NADSYN1: variants seen among roughly 807,000 people sequenced by gnomAD.
NADSYN1 encodes NAD synthetase 1.
Under a neutral mutation model 99.3 loss-of-function variants are expected in NADSYN1, and 80 were observed. That is an observed-to-expected ratio of 0.81 (90% confidence interval 0.67 to 0.97). NADSYN1 has a LOEUF of 0.97. Ranked by LOEUF, NADSYN1 falls within the 50% of genes least tolerant of loss-of-function variation. The pLI is 0.00. For synonymous variants in NADSYN1, 385 were observed against 372.1 expected (o/e 1.03, Z -0.40); for missense variants, 859 against 948.5 (o/e 0.91, Z 1.24).
chr11:71,483,394 G>A (rs900888482), intron 14 of NADSYN1, among the ~76,000 whole-genome samples: 1 of 152,124 alleles, frequency 6.6e-6, no homozygotes, highest in African/African-American at 2.4e-5. Flanking sequence ...GGCATTCCCA[G>A]TGCAGGCTGC....
chr11:71,466,538 G>T (rs1209606029), intron 5 of NADSYN1, among the ~76,000 whole-genome samples: 1 of 152,226 alleles, frequency 6.6e-6, no homozygotes. Context: ...TGGGTGGATG[G>T]CTTTGCTTCT....
intron 5 of NADSYN1, among the ~76,000 whole-genome samples, chr11:71,467,945 CAG>C (rs1183332222): frequency 2.6e-5 from 4 of 152,212 alleles, no homozygotes; most frequent in Non-Finnish European, 5.9e-5. Context: ...ACTAAAGACA[CAG>C]AGAAATTCTC....
rs1949564953 is a variant in NADSYN1 at position 71,463,518 on chromosome 11, C to T, written c.317+33C>T. Reference sequence around the variant, plus strand: ...CCCTGCCCCCACCCCGGGAGGGTGACTGGGGCCTCTCCCTGGCTCTCAGCT... The same window carrying T: ...CCCTGCCCCCACCCCGGGAGGGTGATTGGGGCCTCTCCCTGGCTCTCAGCT... On this transcript the variant is annotated intron_variant, in intron 4 of 20. Transcript: ENST00000319023. The T allele has an allele frequency of 1.9e-6, 3 of 1,596,298 alleles. No homozygotes were observed. In the East Asian group the frequency reaches 6.7e-5, roughly 36 times the overall value.
chr11:71,498,124 A>AGGCGGGGGACCCC (rs1949832345), intron 19 of NADSYN1, among the ~76,000 whole-genome samples: 3 of 151,762 alleles, frequency 2.0e-5, no homozygotes, highest in Non-Finnish European at 2.9e-5. Context: ...ATAGCATCAG[A>AGGCGGGGGACCCC]GGTGGGGGAC....
At chr11:71,474,294 T>G in intron 8 of NADSYN1, 101 bp from the exon 9 acceptor site, 1 of 1,489,098 alleles carries the variant, frequency 6.7e-7, no homozygotes, top group Non-Finnish European at 9.2e-7. Flanking sequence ...CCACTCAGGA[T>G]GACCTAGCGG....
rs762111240 is a variant in NADSYN1, at chr11:71,498,548, TTC to T, written c.2070+27_2070+28del. ...AATCAGGTAAATCCAGCAGAAATGTTTCTCTCTCCATGTTTCATGTCTGTAGA... is the reference window on the plus strand; with the variant it reads ...AATCAGGTAAATCCAGCAGAAATGTTTCTCTCCATGTTTCATGTCTGTAGA... On this transcript the variant is annotated intron_variant, in intron 20 of 20. Transcript: ENST00000319023. The T allele has an allele frequency of 6.2e-7, 1 of 1,611,240 alleles. No homozygotes were observed. The highest frequency in any genetic ancestry group is 1.1e-5 in the South Asian group (1 of 90,836).
At chr11:71,487,830 CA>C (rs71049984) in intron 16 of NADSYN1, among the ~76,000 whole-genome samples, 257 of 80,070 alleles carry the variant, frequency 3.2e-3, no homozygotes, top group African/African-American at 9.9e-3. Flanking sequence ...GACTCCGTCT[CA>C]AAAAAAAAAA....
At chr11:71,474,919 A>T (rs1565600915) in intron 9 of NADSYN1, 2 of 307,050 alleles carry the variant, frequency 6.5e-6, no homozygotes, top group Non-Finnish European at 1.3e-5. Flanking sequence ...GCAGCTTACG[A>T]GTCCTGCGTT....
At chr11:71,476,281 G>A (rs796838977) in intron 9 of NADSYN1, 10 of 359,148 alleles carry the variant, frequency 2.8e-5, no homozygotes, top group African/African-American at 8.5e-5. Flanking sequence ...CGGATTCACC[G>A]AGGCAGGCGG....
chr11:71,481,288 G>A, intron 11 of NADSYN1, 68 bp from the exon 12 acceptor site: 5 of 1,532,128 alleles, frequency 3.3e-6, no homozygotes, highest in Non-Finnish European at 4.5e-6. Flanking sequence ...GGGCCTGCTT[G>A]GGTGGGTTGT....
In NADSYN1 at chr11:71,498,460, A is replaced by G. The variant is rs151053511; in HGVS notation, c.2002A>G (p.Arg668Gly). ...CGAGAACTACAGCCCTGAGGACAAC[A>G]GGTTTGATCTGCGACCATTTCTGTA... is the stretch of plus-strand genomic sequence containing the variant. ...HAENYSPEDNRFDLRPFLYNT... is the reference protein window; with the variant it reads ...HAENYSPEDNGFDLRPFLYNT... The change falls in exon 20 of 21, where the codon AGG becomes GGG. Residue 668 changes from arginine (R) to glycine (G), a missense_variant. Physicochemically the swap from Arg to Gly is moderately radical, Grantham distance 125. Coordinates refer to ENST00000319023, the MANE Select transcript of NADSYN1 (RefSeq NM_018161.5). The G allele has an allele frequency of 1.1e-5, 17 of 1,614,206 alleles. No homozygotes were observed. In the African/African-American group the frequency reaches 1.6e-4, roughly 15 times the overall value.
intron 8 of NADSYN1, 74 bp downstream of exon 8, chr11:71,473,760 C>A: frequency 1.9e-6 from 2 of 1,062,476 alleles, no homozygotes; most frequent in Non-Finnish European, 1.4e-6. Context: ...CCTCAGTGCC[C>A]ATCGCAGGGC....
intron 8 of NADSYN1, 94 bp from the exon 9 acceptor site, chr11:71,474,301 G>A: frequency 6.5e-7 from 1 of 1,526,926 alleles, no homozygotes; most frequent in Non-Finnish European, 9.0e-7. Context: ...GGATGACCTA[G>A]CGGGACTCGG....
At chr11:71,501,273 G>A in intron 20 of NADSYN1, 29 bp from the exon 21 acceptor site, 1 of 1,536,356 alleles carries the variant, frequency 6.5e-7, no homozygotes, top group Non-Finnish European at 8.8e-7. Context: ...TCTTTGCGGG[G>A]CTGTGGTGTC....
At chr11:71,500,984 T>G (rs1349431177) in intron 20 of NADSYN1, among the ~76,000 whole-genome samples, 4 of 149,310 alleles carry the variant, frequency 2.7e-5, no homozygotes, top group African/African-American at 7.4e-5. Context: ...CCCACCAAGA[T>G]GTACTCAGGG....
chr11:71,462,659 C>T (rs1650449835), intron 3 of NADSYN1, among the ~76,000 whole-genome samples: 2 of 152,182 alleles, frequency 1.3e-5, no homozygotes, highest in African/African-American at 2.4e-5. Context: ...GGGTTCACAC[C>T]GGTTACTTAG....
chr11:71,480,824 G>T lies in NADSYN1; in HGVS notation c.943G>T (p.Ala315Ser). 1 of 1,614,196 alleles carries T rather than the reference G, an allele frequency of 6.2e-7. No homozygotes were observed. Among genetic ancestry groups the T allele is most frequent in the Non-Finnish European group, 8.5e-7 (1 of 1,180,034 alleles). ...FALSCHEDLLAPISEPIEWKY... is the reference protein window; with the variant it reads ...FALSCHEDLLSPISEPIEWKY... The stretch of plus-strand genomic sequence containing the variant: ...CCTCTCGTGCCACGAGGACTTGCTG[G>T]CACCCATCTCTGAGCCCATCGAGTG... The change falls in exon 11 of 21, where the codon GCA becomes TCA. Residue 315 changes from alanine (A) to serine (S), a missense_variant. Transcript: ENST00000319023.
rs57853580 is a variant in NADSYN1 at position 71,490,990 on chromosome 11, C to T, written c.1694+14C>T. The T allele has an allele frequency of 1.5e-3, 2,430 of 1,613,600 alleles. 23 individuals are homozygous for T. The African/African-American group carries it at 0.022, about 14-fold the overall frequency. ...TGCCCTGCAGAGGTGAGTGTGCTCACGGGCTGTGGCTCCACAGCCACGGGG... is the reference window on the plus strand; with the variant it reads ...TGCCCTGCAGAGGTGAGTGTGCTCATGGGCTGTGGCTCCACAGCCACGGGG... On this transcript the variant is annotated intron_variant, in intron 17 of 20. Transcript: ENST00000319023.
chr11:71,491,052 C>T (rs761316881), intron 17 of NADSYN1, 76 bp downstream of exon 17: 24 of 1,580,700 alleles, frequency 1.5e-5, no homozygotes, highest in Non-Finnish European at 1.6e-5. Flanking sequence ...CCCTGGCCCA[C>T]ACTCAGGCTC....
Sources: allele counts gnomAD v4.1 joint callset (sites outside exome capture counted in the v4.1 genomes callset), GRCh38; gene constraint gnomAD v4.1.1; transcripts MANE v1.5; gene names NCBI Gene and HGNC (gene_info 2026-07-23, HGNC 2026-07-21).